The following TSPAN7 variants were observed in gnomAD, a reference collection of about 807,000 sequenced individuals.
TSPAN7 encodes the protein tetraspanin 7.
Under a neutral mutation model 17.6 loss-of-function variants are expected in TSPAN7, and 1 was observed. The observed-to-expected ratio is 0.06, with a 90% CI of 0.02 to 0.27. TSPAN7 has a LOEUF of 0.27. Among genes scored for constraint, TSPAN7 ranks in the 10% least tolerant of loss-of-function variants. The pLI is 1.00. For missense variants in TSPAN7, 112 were observed against 201.7 expected (o/e 0.56, Z 2.69); for synonymous variants, 78 against 79.0 (o/e 0.99, Z 0.07).
intron 1 of TSPAN7, among the ~76,000 whole-genome samples, chrX:38,630,622 C>T (rs1272035242): frequency 8.9e-6 from 1 of 112,079 alleles, no homozygotes; most frequent in African/African-American, 3.2e-5. Flanking sequence ...CTCTACTATT[C>T]TGATGTAATG....
intron 1 of TSPAN7, among the ~76,000 whole-genome samples, chrX:38,636,017 C>A (rs758979118): frequency 9.0e-6 from 1 of 111,418 alleles, no homozygotes; most frequent in East Asian, 2.8e-4. Context: ...TTTTAAAAGT[C>A]CTTCTTTGTA....
chrX:38,670,246 T>G (rs1392984627), intron 2 of TSPAN7, among the ~76,000 whole-genome samples: 1 of 112,031 alleles, frequency 8.9e-6, no homozygotes, highest in Non-Finnish European at 1.9e-5. Context: ...TTGCAAATGT[T>G]CAAAACCATT....
intron 1 of TSPAN7, among the ~76,000 whole-genome samples, chrX:38,647,210 C>T (rs1325023370): frequency 8.9e-6 from 1 of 112,197 alleles, no homozygotes; most frequent in Non-Finnish European, 1.9e-5. Flanking sequence ...AAATTATTCC[C>T]CCACTTGGAT....
chrX:38,623,324 T>C (rs2069499834), intron 1 of TSPAN7, among the ~76,000 whole-genome samples: 1 of 111,480 alleles, frequency 9.0e-6, no homozygotes, highest in African/African-American at 3.3e-5. Context: ...TCAGCTTCCA[T>C]TCCTCCCAAT....
At chrX:38,595,770 G>A (rs775645561) in intron 1 of TSPAN7, among the ~76,000 whole-genome samples, 38 of 111,876 alleles carry the variant, frequency 3.4e-4, no homozygotes, top group African/African-American at 1.1e-3. Context: ...CTATCAAGTT[G>A]GAATCAGTGG....
intron 1 of TSPAN7, among the ~76,000 whole-genome samples, chrX:38,587,721 G>A (rs2069266584): frequency 9.0e-6 from 1 of 111,412 alleles, no homozygotes; most frequent in African/African-American, 3.3e-5. Context: ...TTGGCTGAGA[G>A]GAGTTTCTAT....
chrX:38,670,675 A>G (rs2069815785), intron 2 of TSPAN7, among the ~76,000 whole-genome samples: 1 of 112,341 alleles, frequency 8.9e-6, no homozygotes, highest in Non-Finnish European at 1.9e-5. Flanking sequence ...ACAATTCCAA[A>G]TGAAGCAGTT....
At chrX:38,643,145 G>A (rs148268857) in intron 1 of TSPAN7, among the ~76,000 whole-genome samples, 4,383 of 110,741 alleles carry the variant, frequency 0.04, 224 homozygotes, top group African/African-American at 0.14. Flanking sequence ...TTGTTGCAGC[G>A]TCAGGTTTGA....
intron 1 of TSPAN7, among the ~76,000 whole-genome samples, chrX:38,584,932 G>A (rs1458909333): frequency 9.0e-6 from 1 of 111,439 alleles, no homozygotes; most frequent in Non-Finnish European, 1.9e-5. Flanking sequence ...CTCTTTTTTG[G>A]TGTATTTTTG....
chrX:38,591,068 G>T (rs1459966451), intron 1 of TSPAN7, among the ~76,000 whole-genome samples: 1 of 109,937 alleles, frequency 9.1e-6, no homozygotes, highest in East Asian at 2.8e-4. Context: ...CCTTCTACTT[G>T]CTTTGGAATC....
At chrX:38,655,849 T>TA (rs1338337495) in intron 1 of TSPAN7, 1 of 235,479 alleles carries the variant, frequency 4.2e-6, no homozygotes, top group Admixed American at 5.2e-5. Context: ...ATGATAATCC[T>TA]ATATATAAAT....
chrX:38,638,794 T>C (rs2069596386), intron 1 of TSPAN7, among the ~76,000 whole-genome samples: 1 of 111,750 alleles, frequency 8.9e-6, no homozygotes, highest in Non-Finnish European at 1.9e-5. Context: ...GACAAATTGG[T>C]CTTCTATTAA....
intron 6 of TSPAN7, 104 bp downstream of exon 6, chrX:38,681,391 A>G: frequency 5.9e-6 from 4 of 680,337 alleles, no homozygotes; most frequent in Non-Finnish European, 7.2e-6. Context: ...AAAAGCTGAT[A>G]GATGGGGTCA....
At chrX:38,563,106 T>G in intron 1 of TSPAN7, 1 of 970,249 alleles carries the variant, frequency 1.0e-6, no homozygotes, top group Non-Finnish European at 1.3e-6. Flanking sequence ...CATTTCCTTA[T>G]CGCTGGCGTT....
In TSPAN7 at chrX:38,687,624, G is replaced by A; in HGVS notation, c.707G>A (p.Cys236Tyr). The A allele has an allele frequency of 8.3e-7, 1 of 1,211,077 alleles. No individual in the cohort carries two copies. The highest frequency in any genetic ancestry group is 1.1e-6 in the Non-Finnish European group (1 of 895,288). Reference sequence around the variant, plus strand: ...TTAATTGGCATGCTGCTGGCCTGCTGTCTGTCCCGGTTCATCACGGCCAAT... The same window carrying A: ...TTAATTGGCATGCTGCTGGCCTGCTATCTGTCCCGGTTCATCACGGCCAAT... Reference protein sequence around the residue: ...SQLIGMLLACCLSRFITANQY... With the variant: ...SQLIGMLLACYLSRFITANQY... The change falls in exon 7 of 8, where the codon TGT becomes TAT. Residue 236 changes from cysteine to tyrosine, a missense_variant. By Grantham distance (194) the Cys-to-Tyr change is radical. Coordinates refer to ENST00000378482, the MANE Select transcript of TSPAN7 (RefSeq NM_004615.4).
intron 1 of TSPAN7, among the ~76,000 whole-genome samples, chrX:38,636,909 G>A (rs978109091): frequency 4.5e-5 from 5 of 111,702 alleles, no homozygotes; most frequent in Non-Finnish European, 9.4e-5. Flanking sequence ...CCAGCCGTGG[G>A]CTCCCAAAGT....
At chrX:38,682,986 T>G (rs2069901983) in intron 6 of TSPAN7, among the ~76,000 whole-genome samples, 1 of 111,669 alleles carries the variant, frequency 9.0e-6, no homozygotes, top group Non-Finnish European at 1.9e-5. Flanking sequence ...GTCTTGTGTT[T>G]GGCATTTGAG....
intron 1 of TSPAN7, among the ~76,000 whole-genome samples, chrX:38,663,841 C>T (rs1354734953): frequency 8.9e-6 from 1 of 112,346 alleles, no homozygotes; most frequent in Non-Finnish European, 1.9e-5. Context: ...TTATCAGACT[C>T]TCATACTTGA....
At chrX:38,640,457 A>C (rs182873472) in intron 1 of TSPAN7, among the ~76,000 whole-genome samples, 1 of 111,923 alleles carries the variant, frequency 8.9e-6, no homozygotes, top group Non-Finnish European at 1.9e-5. Context: ...CTTATTACCT[A>C]TCTGATAAAG....
Sources: gnomAD v4.1 joint callset for allele counts (sites outside exome capture counted in the v4.1 genomes callset) on GRCh38, gnomAD v4.1.1 for gene constraint, MANE v1.5 for transcripts, NCBI Gene and HGNC (gene_info 2026-07-23, HGNC 2026-07-21) for gene names.